The following TMEM233 variants were observed in gnomAD, a reference collection of about 807,000 sequenced individuals.
TMEM233 encodes dispanin subfamily B member 2.
In TMEM233, 6 loss-of-function variants were observed where a neutral mutation model predicts 11.2. The ratio of observed to expected loss-of-function variants is 0.54; its 90% CI spans 0.29 to 1.06. The LOEUF is 1.06. Among genes scored for constraint, TMEM233 ranks in the 50% least tolerant of loss-of-function variants. TMEM233 has a pLI of 0.08. For missense variants in TMEM233, 127 were observed against 144.7 expected (o/e 0.88, Z 0.63); for synonymous variants, 59 against 55.8 (o/e 1.06, Z -0.26).
intron 1 of TMEM233, among the ~76,000 whole-genome samples, chr12:119,622,886 C>G (rs2136746863): frequency 6.6e-6 from 1 of 152,264 alleles, no homozygotes; most frequent in African/African-American, 2.4e-5. Context: ...GTTTTTCAAG[C>G]CAACAGCAGC....
At chr12:119,652,457 G>A in the TMEM233 span, among the ~76,000 whole-genome samples, 1 of 152,158 alleles carries the variant, frequency 6.6e-6, no homozygotes. Flanking sequence ...TGGAGGGTCA[G>A]TAAGAATCCT....
chr12:119,629,722 C>T lies in TMEM233; in HGVS notation c.187-14C>T, dbSNP rs765383012. 4.3e-4 allele frequency: 661 copies of T among 1,547,256 alleles called. No individual in the cohort carries two copies. Among genetic ancestry groups the T allele is most frequent in the Non-Finnish European group, 5.5e-4 (629 of 1,145,168 alleles). On this transcript the variant is annotated splice_polypyrimidine_tract_variant and intron_variant, in intron 1 of 2. Coordinates refer to ENST00000426426, the MANE Select transcript of TMEM233 (RefSeq NM_001136534.3). ...GTTATCTGTCATCACCAGCTCTTCC[C>T]TTCTGTCCCCCAGTCTCTGAACAGC...
At chr12:119,603,187 C>T (rs2136682671) in intron 1 of TMEM233, among the ~76,000 whole-genome samples, 1 of 152,310 alleles carries the variant, frequency 6.6e-6, no homozygotes, top group African/African-American at 2.4e-5. Context: ...AGGAAAATCA[C>T]TTGAGCCCAG....
chr12:119,650,636 T>TGTC, the TMEM233 span, among the ~76,000 whole-genome samples: 1 of 152,114 alleles, frequency 6.6e-6, no homozygotes, highest in African/African-American at 2.4e-5. Context: ...ATTTTGTTGT[T>TGTC]GTTGTTGTTG....
At chr12:119,644,075 A>C (rs1955121205), downstream of TMEM233, among the ~76,000 whole-genome samples, 1 of 152,202 alleles carries the variant, frequency 6.6e-6, no homozygotes, top group Admixed American at 6.5e-5. Flanking sequence ...AGGGGGGAAA[A>C]ATGGTTCAAT....
chr12:119,644,412 A>T (rs969853855), downstream of TMEM233, among the ~76,000 whole-genome samples: 1 of 152,150 alleles, frequency 6.6e-6, no homozygotes, highest in African/African-American at 2.4e-5. Flanking sequence ...CATATTAAGC[A>T]TGCTGCTTCT....
At chr12:119,625,900 C>A (rs1438516502) in intron 1 of TMEM233, among the ~76,000 whole-genome samples, 1 of 152,128 alleles carries the variant, frequency 6.6e-6, no homozygotes, top group Non-Finnish European at 1.5e-5. Context: ...TTACTCTACA[C>A]TCGAATTTCC....
the TMEM233 span, among the ~76,000 whole-genome samples, chr12:119,650,113 G>A: frequency 6.7e-6 from 1 of 149,330 alleles, no homozygotes; most frequent in African/African-American, 2.5e-5. Flanking sequence ...AGCAGAGATG[G>A]CGCCACTGCA....
At chr12:119,614,502 A>G (rs1349550771) in intron 1 of TMEM233, among the ~76,000 whole-genome samples, 2 of 152,152 alleles carry the variant, frequency 1.3e-5, no homozygotes, top group Non-Finnish European at 2.9e-5. Flanking sequence ...TACTTGCCCT[A>G]TGTTCTCTAT....
chr12:119,625,919 C>G (rs1407625457), intron 1 of TMEM233, among the ~76,000 whole-genome samples: 3 of 152,100 alleles, frequency 2.0e-5, no homozygotes, highest in African/African-American at 7.2e-5. Flanking sequence ...CCCCAATTAT[C>G]CCGAAGATAT....
At chr12:119,627,612 A>G (rs1235211525) in intron 1 of TMEM233, among the ~76,000 whole-genome samples, 1 of 152,148 alleles carries the variant, frequency 6.6e-6, no homozygotes, top group Non-Finnish European at 1.5e-5. Context: ...AGAACTCATT[A>G]CTGCAGGGAG....
the TMEM233 span, among the ~76,000 whole-genome samples, chr12:119,652,439 C>T: frequency 1.3e-5 from 2 of 152,144 alleles, no homozygotes; most frequent in African/African-American, 4.8e-5. Flanking sequence ...CTGAGAACAA[C>T]TAAAAACTGG....
rs1022738960 is a variant in TMEM233 at position 119,629,325 on chromosome 12, G to A, written c.187-411G>A. On this transcript the variant is annotated intron_variant, in intron 1 of 2. Coordinates refer to ENST00000426426, the MANE Select transcript of TMEM233 (RefSeq NM_001136534.3). ...CTTGGGAGGCTGAGGCAGGAGAATTGCTTGAACCCGGGAGGCGGAGGTTGC... is the reference window on the plus strand; with the variant it reads ...CTTGGGAGGCTGAGGCAGGAGAATTACTTGAACCCGGGAGGCGGAGGTTGC... Among the ~76,000 whole-genome samples, 9 of 152,234 alleles carry A rather than the reference G, an allele frequency of 5.9e-5. No homozygotes were observed. The South Asian group carries it at 8.3e-4, about 14-fold the overall frequency.
chr12:119,653,136 A>G, the TMEM233 span, among the ~76,000 whole-genome samples: 2 of 152,080 alleles, frequency 1.3e-5, no homozygotes, highest in Non-Finnish European at 2.9e-5. Context: ...GCTCACACCT[A>G]TAATCCCAGC....
At chr12:119,628,345 G>C (rs1227247412) in intron 1 of TMEM233, among the ~76,000 whole-genome samples, 1 of 151,750 alleles carries the variant, frequency 6.6e-6, no homozygotes, top group Admixed American at 6.6e-5. Context: ...ATTTTCAGTA[G>C]AGACAGAGTT....
chr12:119,621,202 C>T (rs1294303908), intron 1 of TMEM233, among the ~76,000 whole-genome samples: 1 of 152,316 alleles, frequency 6.6e-6, no homozygotes, highest in East Asian at 1.9e-4. Flanking sequence ...GCATGTGCCA[C>T]CACGCCAGCT....
At chr12:119,607,565 G>A (rs187386530) in intron 1 of TMEM233, among the ~76,000 whole-genome samples, 1 of 151,658 alleles carries the variant, frequency 6.6e-6, no homozygotes, top group East Asian at 1.9e-4. Context: ...AGATAAAAAG[G>A]AATTCAACAA....
At chr12:119,606,525 A>T (rs1397376971) in intron 1 of TMEM233, among the ~76,000 whole-genome samples, 1 of 152,268 alleles carries the variant, frequency 6.6e-6, no homozygotes, top group Non-Finnish European at 1.5e-5. Context: ...TGTTCTAAAA[A>T]AAATTTGTTC....
At chr12:119,598,802 A>G (rs1338157083) in intron 1 of TMEM233, among the ~76,000 whole-genome samples, 1 of 152,170 alleles carries the variant, frequency 6.6e-6, no homozygotes, top group Non-Finnish European at 1.5e-5. Context: ...TGGTCTTTCC[A>G]CCTTGTAAAT....
Sources: gnomAD v4.1 joint callset for allele counts (sites outside exome capture counted in the v4.1 genomes callset) on GRCh38, gnomAD v4.1.1 for gene constraint, MANE v1.5 for transcripts, NCBI Gene and HGNC (gene_info 2026-07-23, HGNC 2026-07-21) for gene names.